ZNF536: variants seen among roughly 807,000 people sequenced by gnomAD.
ZNF536 encodes zinc finger protein 536.
In ZNF536, 13 loss-of-function variants were observed where a neutral mutation model predicts 84.5. The observed-to-expected ratio is 0.15, with a 90% CI of 0.10 to 0.24. The LOEUF (loss-of-function observed/expected upper bound fraction) is 0.24. ZNF536 is among the 10% of genes least tolerant of loss of function. The pLI is 1.00. For synonymous variants in ZNF536, 811 were observed against 742.5 expected (o/e 1.09, Z -1.50); for missense variants, 1,536 against 1,747.5 (o/e 0.88, Z 2.16).
intron 2 of ZNF536, among the ~76,000 whole-genome samples, chr19:30,497,368 A>G (rs1183633593): frequency 6.6e-6 from 1 of 152,232 alleles, no homozygotes; most frequent in Non-Finnish European, 1.5e-5. Flanking sequence ...ATAACCCAGC[A>G]TGCAGGGACG....
rs1464198572 is a variant in ZNF536, at chr19:30,688,524, C to T, written c.170-22233C>T. Among the ~76,000 whole-genome samples, 13 of 152,228 alleles carry T rather than the reference C, an allele frequency of 8.5e-5. No individual in the cohort carries two copies. The East Asian group carries it at 1.9e-3, about 23-fold the overall frequency. On this transcript the variant is annotated intron_variant, in intron 1 of 1. Transcript: ENST00000592773. Reference sequence around the variant, plus strand: ...CTTTTATAGAATATTCTTAATACAGCGTGTGAATGCATATTGACAATTGTT... The same window carrying T: ...CTTTTATAGAATATTCTTAATACAGTGTGTGAATGCATATTGACAATTGTT...
At chr19:30,264,966 T>TGTGTGTGTGTGTGTGAGA (rs59889852) in intron 1 of ZNF536, among the ~76,000 whole-genome samples, 13 of 133,858 alleles carry the variant, frequency 9.7e-5, no homozygotes, top group African/African-American at 3.0e-4. Flanking sequence ...TGTGTGTGTG[T>TGTGTGTGTGTGTGTGAGA]GAGAGAGAGA....
rs1214868040 is a variant in ZNF536 at position 30,588,684 on chromosome 19, C to CT, written c.169+39172dup. Among the ~76,000 whole-genome samples, 7 of 152,294 alleles carry CT rather than the reference C, an allele frequency of 4.6e-5. 1 individual carries two copies. The highest frequency in any genetic ancestry group is 1.2e-4 in the African/African-American group (5 of 41,562). On this transcript the variant is annotated intron_variant, in intron 1 of 1. Transcript: ENST00000592773. Reference sequence around the variant, plus strand: ...AGTTTTTAACCCAGAGAGAGAAGGTCTTAGGCCCAGAACCTTTTCAGGCAA... The same window carrying CT: ...AGTTTTTAACCCAGAGAGAGAAGGTCTTTAGGCCCAGAACCTTTTCAGGCAA...
intron 1 of ZNF536, among the ~76,000 whole-genome samples, chr19:30,583,619 CCT>C (rs1221045886): frequency 6.6e-6 from 1 of 152,138 alleles, no homozygotes; most frequent in Non-Finnish European, 1.5e-5. Context: ...ACCCCTAGCC[CCT>C]GAGTGTCAGT....
intron 2 of ZNF536, among the ~76,000 whole-genome samples, chr19:30,501,892 C>A (rs2054964073): frequency 6.6e-6 from 1 of 152,110 alleles, no homozygotes; most frequent in African/African-American, 2.4e-5. Context: ...CTTAGCATTC[C>A]AATAATGGAA....
chr19:30,434,003 A>C (rs1438322142), intron 1 of ZNF536, among the ~76,000 whole-genome samples: 1 of 152,186 alleles, frequency 6.6e-6, no homozygotes, highest in African/African-American at 2.4e-5. Context: ...AAATCCCTTG[A>C]AGTGAATAGG....
rs147103257 is a variant in ZNF536 at position 30,642,476 on chromosome 19, C to T, written c.170-68281C>T. On this transcript the variant is annotated intron_variant, in intron 1 of 1. Coordinates refer to the ZNF536 transcript ENST00000592773. Reference sequence around the variant, plus strand: ...CAGTGAGAAAGTCACTGCCAGGACCCGCAAGTTGAAGGAGGAATGGACCTC... The same window carrying T: ...CAGTGAGAAAGTCACTGCCAGGACCTGCAAGTTGAAGGAGGAATGGACCTC... Among the ~76,000 whole-genome samples, 335 of 152,146 alleles carry T rather than the reference C, an allele frequency of 2.2e-3. 2 individuals carry two copies. Among genetic ancestry groups the T allele is most frequent in the South Asian group, 9.8e-3 (47 of 4,808 alleles).
At chr19:30,707,114 T>C (rs7254294) in intron 1 of ZNF536, among the ~76,000 whole-genome samples, 24,576 of 152,102 alleles carry the variant, frequency 0.16, 2,312 homozygotes, top group Middle Eastern at 0.23. Context: ...CTTAAAAAAT[T>C]GGATGGCTGA....
chr19:30,473,421 T>C (rs541097236), intron 2 of ZNF536, among the ~76,000 whole-genome samples: 1 of 152,172 alleles, frequency 6.6e-6, no homozygotes, highest in East Asian at 1.9e-4. Context: ...GTAGTGCAAG[T>C]GGCTTATACA....
In ZNF536 at chr19:30,410,923, G is replaced by T. The variant is rs189449252; in HGVS notation, c.-2-32638G>T. ...GGAGTTCTTGTTTTTCACAAACATG[G>T]CAAAACCGTATACACATTGCTTTGA... On this transcript the variant is annotated intron_variant, in intron 1 of 4. Transcript: ENST00000355537. Among the ~76,000 whole-genome samples the T allele has an allele frequency of 1.5e-3, 224 of 152,186 alleles. 2 individuals carry two copies. The highest frequency in any genetic ancestry group is 5.0e-3 in the African/African-American group (208 of 41,510).
At chr19:30,424,270 C>T (rs1205593285) in intron 1 of ZNF536, among the ~76,000 whole-genome samples, 2 of 152,144 alleles carry the variant, frequency 1.3e-5, no homozygotes, top group South Asian at 2.1e-4. Flanking sequence ...AGCAGGAGCA[C>T]TAGGTGGGTG....
chr19:30,447,984 C>T (rs2052432464), intron 2 of ZNF536, among the ~76,000 whole-genome samples: 1 of 152,194 alleles, frequency 6.6e-6, no homozygotes, highest in African/African-American at 2.4e-5. Context: ...ATTCCTATCT[C>T]TGTTGCTTGC....
intron 1 of ZNF536, among the ~76,000 whole-genome samples, chr19:30,237,529 G>T (rs1436461100): frequency 1.3e-5 from 2 of 152,188 alleles, no homozygotes; most frequent in Non-Finnish European, 2.9e-5. Context: ...TAGGCGAGTG[G>T]AATTCTTGCT....
At chr19:30,331,597 G>C (rs967830519) in intron 2 of ZNF536, among the ~76,000 whole-genome samples, 1 of 152,104 alleles carries the variant, frequency 6.6e-6, no homozygotes, top group African/African-American at 2.4e-5. Context: ...CAACAGGCTG[G>C]ACTTTGCTTC....
upstream of ZNF536, among the ~76,000 whole-genome samples, chr19:30,370,834 T>C (rs577760416): frequency 5.9e-5 from 9 of 152,364 alleles, no homozygotes; most frequent in Non-Finnish European, 1.3e-4. Context: ...TGTTTGTTTT[T>C]AATAATCAAC....
At chr19:30,589,177 TC>T (rs1410714882) in intron 1 of ZNF536, among the ~76,000 whole-genome samples, 1 of 152,228 alleles carries the variant, frequency 6.6e-6, no homozygotes, top group Non-Finnish European at 1.5e-5. Context: ...GCTCTTTGCA[TC>T]GGTTACCACC....
In ZNF536 at chr19:30,592,310, C is replaced by A. The variant is rs148813632; in HGVS notation, c.169+42796C>A. ...GAGACTGTTTAAATTAAGGGGTACC[C>A]AACACCCCAGGAATGCAGTGGGATT... On this transcript the variant is annotated intron_variant, in intron 1 of 1. Transcript: ENST00000592773. 1.6e-4 allele frequency among the ~76,000 whole-genome samples: 25 copies of A among 152,234 alleles called. No homozygotes were observed. The East Asian group carries it at 4.6e-3, about 28-fold the overall frequency.
chr19:30,668,018 A>T (rs948072684), intron 1 of ZNF536, among the ~76,000 whole-genome samples: 2 of 152,206 alleles, frequency 1.3e-5, no homozygotes, highest in Non-Finnish European at 2.9e-5. Flanking sequence ...TATCCTTTCA[A>T]GGAATTCTAT....
chr19:30,627,467 TCAAAAAAAAAAAAA>T, intron 1 of ZNF536, among the ~76,000 whole-genome samples: 1 of 16,704 alleles, frequency 6.0e-5, no homozygotes, highest in Non-Finnish European at 9.8e-5. Flanking sequence ...CAAGGCCCTG[TCAAAAAAAAAAAAA>T]AAAAAAAAAA....
Sources: gnomAD v4.1 joint callset for allele counts (sites outside exome capture counted in the v4.1 genomes callset) on GRCh38, gnomAD v4.1.1 for gene constraint, MANE v1.5 for transcripts, NCBI Gene and HGNC (gene_info 2026-07-23, HGNC 2026-07-21) for gene names.